The following CSNK1G1 variants were observed in gnomAD, a reference collection of about 807,000 sequenced individuals.
CSNK1G1 encodes the protein casein kinase 1 gamma 1, also known as casein kinase I isoform gamma-1.
CSNK1G1 carries 22 observed loss-of-function variants against 59.6 expected under a neutral mutation model. The ratio of observed to expected loss-of-function variants is 0.37; its 90% CI spans 0.26 to 0.53. The LOEUF (loss-of-function observed/expected upper bound fraction) is 0.53, where lower values mean the gene tolerates loss of function less well. Among genes scored for constraint, CSNK1G1 ranks in the 20% least tolerant of loss-of-function variants. The probability of loss-of-function intolerance (pLI) is 0.89; values close to 1 mark genes in which losing one functional copy is unlikely to be tolerated. For missense variants in CSNK1G1, 384 were observed against 519.5 expected (o/e 0.74, Z 2.54); for synonymous variants, 179 against 177.1 (o/e 1.01, Z -0.08).
In CSNK1G1 at chr15:64,166,247, TAAATAATA is replaced by T; in HGVS notation, c.*5676_*5683del. The T allele has an allele frequency of 2.5e-6, 1 of 397,366 alleles. No homozygotes were observed. Among genetic ancestry groups the T allele is most frequent in the Non-Finnish European group, 4.4e-6 (1 of 225,270 alleles). 24.6% of individuals were successfully genotyped at this position (397,366 alleles called of 1,614,324 possible). A position where few individuals can be genotyped will look rare whatever the true frequency, so the allele number is the denominator to read the frequency against. ...ACAATGGGCAAAGATCAAAGACAGA[TAAATAATA>T]ATATAATAAATTAGAGCATGTAATA... On this transcript the variant is annotated 3_prime_UTR_variant, in exon 12 of 12. Transcript: ENST00000303052. The surrounding 1 kb of genome is among the most constrained non-coding windows in gnomAD (Gnocchi z 4.5).
chr15:64,201,750 G>GTGTGTGTGTGTT (rs747607584), intron 10 of CSNK1G1, among the ~76,000 whole-genome samples: 23 of 106,344 alleles, frequency 2.2e-4, no homozygotes, highest in African/African-American at 7.5e-4. Context: ...GTGTGTGTGT[G>GTGTGTGTGTGTT]TTTATATACT....
intron 1 of CSNK1G1, among the ~76,000 whole-genome samples, chr15:64,315,090 ACT>A (rs1596265191): frequency 6.6e-6 from 1 of 152,088 alleles, no homozygotes; most frequent in Non-Finnish European, 1.5e-5. Context: ...TTACATTCTT[ACT>A]CTGTCAGATG....
chr15:64,292,769 C>CA (rs979588396), intron 2 of CSNK1G1, among the ~76,000 whole-genome samples: 1 of 151,860 alleles, frequency 6.6e-6, no homozygotes, highest in African/African-American at 2.4e-5. Flanking sequence ...TAAAAAAATA[C>CA]AAAAAATAAT....
At chr15:64,191,107 G>A (rs1450177644) in intron 10 of CSNK1G1, among the ~76,000 whole-genome samples, 2 of 152,114 alleles carry the variant, frequency 1.3e-5, no homozygotes, top group African/African-American at 4.8e-5. Flanking sequence ...TGTCACCCAG[G>A]CTGGAGTGCA....
At chr15:64,303,753 G>GAA (rs66734118) in intron 1 of CSNK1G1, among the ~76,000 whole-genome samples, 9 of 114,074 alleles carry the variant, frequency 7.9e-5, no homozygotes, top group East Asian at 7.8e-4. Flanking sequence ...CCCGTCTCAA[G>GAA]AAAAAAAAAA....
chr15:64,229,902 ATTTTTTTTTTTTTTT>A (rs533868270), intron 4 of CSNK1G1, among the ~76,000 whole-genome samples: 6,088 of 43,958 alleles, frequency 0.14, 446 homozygotes, highest in South Asian at 0.31. Flanking sequence ...ATGTTTGTAA[ATTTTTTTTTTTTTTT>A]TTTTTTTTTT....
chr15:64,209,504 A>T (rs2082224560), intron 6 of CSNK1G1, among the ~76,000 whole-genome samples: 1 of 152,192 alleles, frequency 6.6e-6, no homozygotes, highest in Non-Finnish European at 1.5e-5. Flanking sequence ...TACTAATGGG[A>T]AGGAGAGGTA....
chr15:64,334,744 G>C (rs1229238380), intron 1 of CSNK1G1, among the ~76,000 whole-genome samples: 1 of 152,110 alleles, frequency 6.6e-6, no homozygotes, highest in African/African-American at 2.4e-5. Flanking sequence ...CAAGTGATGG[G>C]GAGTGGCTTT....
intron 1 of CSNK1G1, among the ~76,000 whole-genome samples, chr15:64,308,881 A>G (rs1478996488): frequency 1.5e-5 from 2 of 131,870 alleles, no homozygotes; most frequent in African/African-American, 5.4e-5. Context: ...TGGGCGACAG[A>G]GTGAGACTCT....
At chr15:64,278,394 GTGTGTGTGTGTGTGTGTGTGTGTGTA>G in intron 2 of CSNK1G1, among the ~76,000 whole-genome samples, 1 of 127,014 alleles carries the variant, frequency 7.9e-6, no homozygotes. Flanking sequence ...GTGTGTGTGT[GTGTGTGTGTGTGTGTGTGTGTGTGTA>G]TATATATATA....
At chr15:64,184,297 C>A (rs972436857) in intron 10 of CSNK1G1, among the ~76,000 whole-genome samples, 1 of 148,596 alleles carries the variant, frequency 6.7e-6, no homozygotes, top group African/African-American at 2.5e-5. Context: ...AGCGAGACTT[C>A]GTCTCAAAAA....
intron 1 of CSNK1G1, among the ~76,000 whole-genome samples, chr15:64,341,384 C>T (rs558947514): frequency 1.3e-5 from 2 of 152,230 alleles, no homozygotes; most frequent in East Asian, 1.9e-4. Context: ...ATGATCCACC[C>T]GCCTTGGCCT....
At chr15:64,230,228 C>G (rs2082528412) in intron 4 of CSNK1G1, among the ~76,000 whole-genome samples, 2 of 151,792 alleles carry the variant, frequency 1.3e-5, no homozygotes, top group South Asian at 4.1e-4. Context: ...ATGTTAATTC[C>G]TTAAACAGGA....
At chr15:64,307,971 C>T (rs1468796660) in intron 1 of CSNK1G1, among the ~76,000 whole-genome samples, 1 of 152,078 alleles carries the variant, frequency 6.6e-6, no homozygotes, top group Non-Finnish European at 1.5e-5. Context: ...CAGGCGTGAA[C>T]CACCGCGCCC....
chr15:64,189,876 T>A (rs1303402864), intron 10 of CSNK1G1, among the ~76,000 whole-genome samples: 1 of 148,682 alleles, frequency 6.7e-6, no homozygotes, highest in Non-Finnish European at 1.5e-5. Flanking sequence ...TGGAGTGCAG[T>A]GGCGCATTCT....
At chr15:64,264,628 ATACTAACAAAC>A (rs1892883286) in intron 2 of CSNK1G1, among the ~76,000 whole-genome samples, 1 of 152,232 alleles carries the variant, frequency 6.6e-6, no homozygotes, top group Non-Finnish European at 1.5e-5. Context: ...CGTCAACAAA[ATACTAACAAAC>A]TAAATCCAAC....
intron 1 of CSNK1G1, among the ~76,000 whole-genome samples, chr15:64,309,431 A>G (rs1318215919): frequency 2.0e-5 from 3 of 152,148 alleles, no homozygotes; most frequent in African/African-American, 2.4e-5. Context: ...TCCAGATATC[A>G]TAATTCTTGC....
At chr15:64,229,318 T>C (rs1270208789) in intron 4 of CSNK1G1, among the ~76,000 whole-genome samples, 1 of 152,170 alleles carries the variant, frequency 6.6e-6, no homozygotes. Context: ...ATTTCCCCAG[T>C]GTTACTTCAT....
At chr15:64,323,679 C>G (rs189537903) in intron 1 of CSNK1G1, among the ~76,000 whole-genome samples, 1 of 152,202 alleles carries the variant, frequency 6.6e-6, no homozygotes, top group African/African-American at 2.4e-5. Flanking sequence ...ACTGACTATA[C>G]TTAAAACATA....
Sources: allele counts gnomAD v4.1 joint callset (sites outside exome capture counted in the v4.1 genomes callset), GRCh38; gene constraint gnomAD v4.1.1; non-coding constraint Gnocchi (gnomAD v3.1); transcripts MANE v1.5; gene names NCBI Gene and HGNC (gene_info 2026-07-23, HGNC 2026-07-21).